The following KCNIP4 variants were observed in gnomAD, a reference collection of about 807,000 sequenced individuals.
KCNIP4 encodes the protein potassium voltage-gated channel interacting protein 4.
KCNIP4 carries 12 observed loss-of-function variants against 34.0 expected under a neutral mutation model. The ratio of observed to expected loss-of-function variants is 0.35; its 90% confidence interval spans 0.23 to 0.57. The LOEUF is 0.57. Ranked by LOEUF, KCNIP4 falls within the 20% of genes least tolerant of loss-of-function variation. The pLI is 0.83. For missense variants in KCNIP4, 238 were observed against 311.7 expected, an observed-to-expected ratio of 0.76 and a Z score of 1.78; for synonymous variants, 124 against 102.2, an observed-to-expected ratio of 1.21 and a Z score of -1.29.
chr4:21,892,082 T>C (rs1042279861), intron 1 of KCNIP4, among the ~76,000 whole-genome samples: 2 of 152,140 alleles, frequency 1.3e-5, no homozygotes, highest in Non-Finnish European at 2.9e-5. Flanking sequence ...TTACCAAAGA[T>C]ATGTTCCAGA....
At chr4:20,763,047 G>T (rs1319805474) in intron 3 of KCNIP4, among the ~76,000 whole-genome samples, 1 of 152,034 alleles carries the variant, frequency 6.6e-6, no homozygotes, top group East Asian at 1.9e-4. Flanking sequence ...GAACAGCATG[G>T]GGGAACTGCC....
intron 1 of KCNIP4, among the ~76,000 whole-genome samples, chr4:21,889,352 T>C (rs1230681832): frequency 6.6e-6 from 1 of 151,970 alleles, no homozygotes; most frequent in African/African-American, 2.4e-5. Context: ...TCATTAATTA[T>C]GTATATGCAA....
chr4:21,724,571 T>TC (rs34797678), intron 1 of KCNIP4, among the ~76,000 whole-genome samples: 1 of 53,358 alleles, frequency 1.9e-5, no homozygotes, highest in African/African-American at 2.0e-4. Context: ...AGTGAGGGCC[T>TC]TTTTTTTTTT....
chr4:21,901,745 T>A (rs1315119122), intron 1 of KCNIP4, among the ~76,000 whole-genome samples: 6 of 152,174 alleles, frequency 3.9e-5, no homozygotes. Flanking sequence ...ACTAGATTCA[T>A]TACTCCCTCC....
At chr4:20,733,257 A>G (rs542320626) in intron 6 of KCNIP4, among the ~76,000 whole-genome samples, 1 of 152,180 alleles carries the variant, frequency 6.6e-6, no homozygotes, top group South Asian at 2.1e-4. Context: ...TTTTTGTTGT[A>G]TTTTTCCTAC....
intron 1 of KCNIP4, among the ~76,000 whole-genome samples, chr4:21,271,133 C>G (rs1484376838): frequency 6.6e-6 from 1 of 152,088 alleles, no homozygotes; most frequent in Non-Finnish European, 1.5e-5. Context: ...AATACTGGTA[C>G]TTTCCAATAA....
intron 3 of KCNIP4, among the ~76,000 whole-genome samples, chr4:20,837,226 C>T (rs1226726906): frequency 1.3e-5 from 2 of 152,114 alleles, no homozygotes. Flanking sequence ...TTCTCATTTT[C>T]TTTTGACACA....
chr4:21,127,280 T>C (rs1750700056), intron 1 of KCNIP4, among the ~76,000 whole-genome samples: 1 of 152,156 alleles, frequency 6.6e-6, no homozygotes, highest in Admixed American at 6.5e-5. Context: ...TTCCTCATTT[T>C]ACTGTCTCAC....
chr4:21,205,483 C>T (rs957056165), intron 1 of KCNIP4, among the ~76,000 whole-genome samples: 1 of 152,156 alleles, frequency 6.6e-6, no homozygotes, highest in African/African-American at 2.4e-5. Flanking sequence ...GTAAGCCAGG[C>T]ACTGTGACTA....
chr4:21,276,462 C>T (rs1016075722), intron 1 of KCNIP4, among the ~76,000 whole-genome samples: 3 of 151,696 alleles, frequency 2.0e-5, no homozygotes, highest in African/African-American at 4.8e-5. Context: ...GCCTCAGCCT[C>T]CCAAAGTGCT....
intron 1 of KCNIP4, among the ~76,000 whole-genome samples, chr4:21,870,386 C>T (rs572302706): frequency 2.0e-5 from 3 of 152,058 alleles, no homozygotes; most frequent in Admixed American, 6.6e-5. Context: ...TCTAGGGTCC[C>T]GTATGCACAA....
chr4:20,949,710 G>A (rs1273769265), intron 1 of KCNIP4, among the ~76,000 whole-genome samples: 1 of 152,018 alleles, frequency 6.6e-6, no homozygotes, highest in Admixed American at 6.6e-5. Context: ...CCTTTGTAGG[G>A]ACATAGATGA....
intron 1 of KCNIP4, among the ~76,000 whole-genome samples, chr4:21,327,712 C>T (rs1255719219): frequency 2.0e-5 from 3 of 151,942 alleles, no homozygotes; most frequent in Non-Finnish European, 2.9e-5. Flanking sequence ...TTCCAGATCA[C>T]GTAGGCATCC....
chr4:21,214,023 T>C (rs145153848), intron 1 of KCNIP4, among the ~76,000 whole-genome samples: 3,143 of 152,296 alleles, frequency 0.021, 51 homozygotes, highest in South Asian at 0.03. Flanking sequence ...CTGGGTGCAA[T>C]TGATATATCC....
intron 1 of KCNIP4, among the ~76,000 whole-genome samples, chr4:21,251,888 G>C (rs141791203): frequency 0.076 from 11,419 of 150,110 alleles, 533 homozygotes; most frequent in South Asian, 0.2. Context: ...GGGAGGGATA[G>C]CATTAGGAGT....
intron 1 of KCNIP4, among the ~76,000 whole-genome samples, chr4:21,444,152 A>G (rs1189106554): frequency 2.0e-5 from 3 of 152,142 alleles, no homozygotes; most frequent in African/African-American, 7.2e-5. Context: ...CAACCAAAAA[A>G]AGTCCAGGAC....
intron 1 of KCNIP4, among the ~76,000 whole-genome samples, chr4:20,914,103 G>A (rs1728585567): frequency 6.6e-6 from 1 of 151,840 alleles, no homozygotes; most frequent in Non-Finnish European, 1.5e-5. Context: ...GTTGCAGTCA[G>A]CCAAGATTGC....
chr4:21,147,169 G>C (rs936731245), intron 1 of KCNIP4, among the ~76,000 whole-genome samples: 1 of 152,048 alleles, frequency 6.6e-6, no homozygotes, highest in African/African-American at 2.4e-5. Context: ...CCTCCCTGAG[G>C]CTTGGCTGCA....
At chr4:21,015,638 A>C (rs1739448705) in intron 1 of KCNIP4, among the ~76,000 whole-genome samples, 1 of 119,314 alleles carries the variant, frequency 8.4e-6, no homozygotes, top group Admixed American at 9.1e-5. Context: ...GTATTAATAT[A>C]ATATAATATA....
Sources: gnomAD v4.1 joint callset for allele counts (sites outside exome capture counted in the v4.1 genomes callset) on GRCh38, gnomAD v4.1.1 for gene constraint, MANE v1.5 for transcripts, NCBI Gene and HGNC (gene_info 2026-07-23, HGNC 2026-07-21) for gene names.